Variants in VPS13A observed in about 807,000 individuals in gnomAD.
The protein encoded by VPS13A is vacuolar protein sorting 13 homolog A, also known as intermembrane lipid transfer protein VPS13A.
VPS13A carries 264 observed loss-of-function variants against 390.9 expected under a neutral mutation model. The observed-to-expected ratio is 0.68, with a 90% confidence interval of 0.61 to 0.75. VPS13A has a LOEUF of 0.75. Ranked by LOEUF, VPS13A falls within the 30% of genes least tolerant of loss-of-function variation. VPS13A has a pLI of 0.00. For missense variants in VPS13A, 3,409 were observed against 3,733.9 expected (o/e 0.91, Z 2.27); for synonymous variants, 1,231 against 1,227.1 (o/e 1.00, Z -0.07).
At chr9:77,358,997 A>C (rs1241373691) in intron 57 of VPS13A, among the ~76,000 whole-genome samples, 3 of 152,266 alleles carry the variant, frequency 2.0e-5, no homozygotes, top group African/African-American at 7.2e-5. Context: ...CTCGCTCAGA[A>C]GCTTTTTGGC....
At chr9:77,361,302 A>C (rs778854330) in intron 59 of VPS13A, among the ~76,000 whole-genome samples, 1 of 152,114 alleles carries the variant, frequency 6.6e-6, no homozygotes, top group Non-Finnish European at 1.5e-5. Flanking sequence ...AGGTTTGCCT[A>C]TTCTGAATAT....
chr9:77,331,880 A>G (rs1029741635), intron 45 of VPS13A, 130 bp from the exon 46 acceptor site: 5 of 628,460 alleles, frequency 8.0e-6, no homozygotes, highest in East Asian at 2.9e-5. Context: ...TTTCTTTTCT[A>G]ATTTATATAA....
At chr9:77,211,439 C>A (rs1825968708) in intron 7 of VPS13A, 1 of 152,096 alleles carries the variant, frequency 6.6e-6, no homozygotes, top group African/African-American at 2.4e-5. Context: ...TAACAAAATT[C>A]ATTCAGTTTA....
chr9:77,411,461 A>C (rs1384209733), intron 71 of VPS13A, among the ~76,000 whole-genome samples: 1 of 151,944 alleles, frequency 6.6e-6, no homozygotes, highest in Non-Finnish European at 1.5e-5. Flanking sequence ...CAGGAGATCG[A>C]CACCATCCTG....
chr9:77,395,068 C>T (rs1299227218), intron 68 of VPS13A, among the ~76,000 whole-genome samples: 3 of 152,132 alleles, frequency 2.0e-5, no homozygotes, highest in Non-Finnish European at 4.4e-5. Flanking sequence ...TACTTTCCTT[C>T]AAGAATTTTT....
Position 77,220,392 on chromosome 9 carries a change from C to A in VPS13A, c.989+9C>A. The A allele has an allele frequency of 1.3e-6, 2 of 1,557,328 alleles. No individual in the cohort carries two copies. Among genetic ancestry groups the A allele is most frequent in the East Asian group, 2.3e-5 (1 of 43,810 alleles). On this transcript the variant is annotated intron_variant, in intron 12 of 71. Transcript: ENST00000360280. ...CACCATGCCAGAGAATGGTAAATGCCTTGATTTTTTTTTTTTTTTAGATTT... is the reference window on the plus strand; with the variant it reads ...CACCATGCCAGAGAATGGTAAATGCATTGATTTTTTTTTTTTTTTAGATTT...
intron 31 of VPS13A, among the ~76,000 whole-genome samples, chr9:77,289,640 T>C (rs7864334): frequency 0.61 from 92,512 of 152,028 alleles, 28,868 homozygotes; most frequent in African/African-American, 0.74. Context: ...TGTGTACCTA[T>C]TGAATTTGGT....
At chr9:77,361,495 C>T (rs979705335) in intron 59 of VPS13A, among the ~76,000 whole-genome samples, 3 of 152,108 alleles carry the variant, frequency 2.0e-5, no homozygotes, top group South Asian at 2.1e-4. Context: ...TGTTAATGGA[C>T]GTTTGGGTTG....
chr9:77,366,773 A>G lies in VPS13A; in HGVS notation c.8372A>G (p.Asp2791Gly), dbSNP rs777368118. 1 of 1,613,372 alleles carries G rather than the reference A, an allele frequency of 6.2e-7. No individual in the cohort carries two copies. Among genetic ancestry groups the G allele is most frequent in the East Asian group, 2.2e-5 (1 of 44,772 alleles). Residue 2791 changes from aspartate to glycine, a missense_variant, in exon 61 of 72, where the codon GAT (aspartate) becomes GGT (glycine). This residue lies in a region of VPS13A where 123 missense variants were observed against 118.7 expected (regional missense o/e 1.04). Coordinates refer to ENST00000360280, the MANE Select transcript of VPS13A (RefSeq NM_033305.3). ...SLSSGREEAK[D>G]SKQNGGLIPV... ...AGTTCCGGCAGAGAAGAAGCTAAAG[A>G]TTCAAAACAAAATGGAGGACTGATT...
intron 71 of VPS13A, among the ~76,000 whole-genome samples, chr9:77,413,454 G>C (rs1396628872): frequency 6.6e-6 from 1 of 152,160 alleles, no homozygotes; most frequent in African/African-American, 2.4e-5. Context: ...ACGACCATCT[G>C]ATCTTTGACA....
intron 45 of VPS13A, among the ~76,000 whole-genome samples, chr9:77,326,684 T>A (rs1156697496): frequency 6.6e-6 from 1 of 152,206 alleles, no homozygotes; most frequent in Non-Finnish European, 1.5e-5. Context: ...ACCAATTCTA[T>A]TACATGTCAT....
intron 67 of VPS13A, among the ~76,000 whole-genome samples, chr9:77,373,667 A>G (rs994117734): frequency 1.3e-5 from 2 of 151,592 alleles, no homozygotes; most frequent in South Asian, 2.1e-4. Flanking sequence ...GCTTCTGCAC[A>G]GCAAAAGAAA....
At chr9:77,263,289 A>G (rs1825858522) in intron 23 of VPS13A, among the ~76,000 whole-genome samples, 1 of 151,842 alleles carries the variant, frequency 6.6e-6, no homozygotes, top group African/African-American at 2.4e-5. Context: ...TTGTATTTTT[A>G]GTAGAGATGG....
chr9:77,250,092 T>G lies in VPS13A; in HGVS notation c.2038-5T>G. The stretch of plus-strand genomic sequence containing the variant: ...ATAGTCTAAACTATTAAAATTAACT[T>G]GAAGGTGACGAGTAAAAGTCGTTCT... On this transcript the variant is annotated splice_polypyrimidine_tract_variant and splice_region_variant and intron_variant, in intron 20 of 71. Transcript: ENST00000360280. 3 of 1,613,608 alleles carry G rather than the reference T, an allele frequency of 1.9e-6. No homozygotes were observed. The highest frequency in any genetic ancestry group is 2.5e-6 in the Non-Finnish European group (3 of 1,179,818).
intron 33 of VPS13A, among the ~76,000 whole-genome samples, chr9:77,296,811 T>C (rs1366519186): frequency 6.6e-6 from 1 of 152,210 alleles, no homozygotes; most frequent in African/African-American, 2.4e-5. Context: ...GTGGGAGATT[T>C]TTAAATGATA....
At position 77,371,008 on chromosome 9, in the gene VPS13A, ACT is replaced by A. The variant is rs1366054858; in HGVS notation, c.8954-15_8954-14del. 2 of 1,613,982 alleles carry A rather than the reference ACT, an allele frequency of 1.2e-6. No homozygotes were observed. Among genetic ancestry groups the A allele is most frequent in the Non-Finnish European group, 1.7e-6 (2 of 1,179,982 alleles). Reference sequence around the variant, plus strand: ...TCATTCTTGGATGCAATTGTCAAAAACTCTTTTTTCTTTCCAGGAGCTCAAAA... The same window carrying A: ...TCATTCTTGGATGCAATTGTCAAAAACTTTTTTCTTTCCAGGAGCTCAAAA... On this transcript the variant is annotated splice_polypyrimidine_tract_variant and intron_variant, in intron 66 of 71. Coordinates refer to ENST00000360280, the MANE Select transcript of VPS13A (RefSeq NM_033305.3).
At chr9:77,389,469 C>G (rs1833820371) in intron 68 of VPS13A, among the ~76,000 whole-genome samples, 1 of 151,932 alleles carries the variant, frequency 6.6e-6, no homozygotes, top group Non-Finnish European at 1.5e-5. Flanking sequence ...CTATGCCAGG[C>G]TAATTTTTTA....
chr9:77,308,972 A>T (rs763860348), intron 35 of VPS13A, among the ~76,000 whole-genome samples: 8 of 152,180 alleles, frequency 5.3e-5, no homozygotes, highest in African/African-American at 1.4e-4. Flanking sequence ...GAATGGTCAG[A>T]TATGAAGAAA....
intron 67 of VPS13A, among the ~76,000 whole-genome samples, chr9:77,380,870 G>C (rs1423480112): frequency 6.6e-6 from 1 of 152,182 alleles, no homozygotes; most frequent in Non-Finnish European, 1.5e-5. Flanking sequence ...CTTCTTATGA[G>C]AATCTGATGC....
Sources: gnomAD v4.1 joint callset for allele counts (sites outside exome capture counted in the v4.1 genomes callset) on GRCh38, gnomAD v4.1.1 for gene constraint, gnomAD v4.1.1 regional missense constraint, MANE v1.5 for transcripts, NCBI Gene and HGNC (gene_info 2026-07-23, HGNC 2026-07-21) for gene names.